Variants in MYO1D observed in about 807,000 individuals in gnomAD.
MYO1D encodes the protein unconventional myosin-Id.
MYO1D carries 83 observed loss-of-function variants against 122.0 expected under a neutral mutation model. The ratio of observed to expected loss-of-function variants is 0.68; its 90% CI spans 0.57 to 0.82. The LOEUF (loss-of-function observed/expected upper bound fraction) is 0.82, where lower values mean the gene tolerates loss of function less well. Among genes scored for constraint, MYO1D ranks in the 40% least tolerant of loss-of-function variants. The probability of loss-of-function intolerance (pLI) is 0.00; values close to 1 mark genes in which losing one functional copy is unlikely to be tolerated. For synonymous variants in MYO1D, 464 were observed against 446.9 expected, an observed-to-expected ratio of 1.04 and a Z score of -0.48; for missense variants, 1,157 against 1,269.5, an observed-to-expected ratio of 0.91 and a Z score of 1.35.
At chr17:32,849,436 C>T (rs909105338) in intron 1 of MYO1D, among the ~76,000 whole-genome samples, 8 of 149,030 alleles carry the variant, frequency 5.4e-5, no homozygotes, top group South Asian at 2.1e-4. Flanking sequence ...CAATGATAGA[C>T]TGGATTAAGA....
intron 20 of MYO1D, among the ~76,000 whole-genome samples, chr17:32,611,588 C>T (rs930164334): frequency 4.6e-5 from 7 of 152,206 alleles, no homozygotes; most frequent in African/African-American, 9.6e-5. Flanking sequence ...CCAGTAACCT[C>T]GACACTTTGG....
intron 16 of MYO1D, among the ~76,000 whole-genome samples, chr17:32,701,192 T>G (rs1190702185): frequency 6.6e-6 from 1 of 152,176 alleles, no homozygotes; most frequent in Non-Finnish European, 1.5e-5. Context: ...TGAATGATTT[T>G]CTAGGAAAAT....
At chr17:32,816,198 T>TA (rs1488967689) in intron 1 of MYO1D, among the ~76,000 whole-genome samples, 1 of 152,144 alleles carries the variant, frequency 6.6e-6, no homozygotes, top group African/African-American at 2.4e-5. Context: ...TGATCAAACT[T>TA]AGAGTCAAGT....
intron 21 of MYO1D, among the ~76,000 whole-genome samples, chr17:32,501,943 G>A (rs1909332078): frequency 1.3e-5 from 2 of 152,166 alleles, no homozygotes; most frequent in African/African-American, 4.8e-5. Flanking sequence ...GTGGGGGCTG[G>A]TCTGAGCCCT....
chr17:32,541,516 A>G (rs999500522), intron 21 of MYO1D, among the ~76,000 whole-genome samples: 2 of 152,180 alleles, frequency 1.3e-5, no homozygotes, highest in Non-Finnish European at 2.9e-5. Flanking sequence ...TAGTTGCACA[A>G]CTCTGAATAT....
chr17:32,858,291 T>A (rs1891197159), intron 1 of MYO1D, among the ~76,000 whole-genome samples: 1 of 152,206 alleles, frequency 6.6e-6, no homozygotes, highest in Non-Finnish European at 1.5e-5. Flanking sequence ...GATTAACATA[T>A]GATATATTGC....
At chr17:32,729,656 G>T (rs2150997185) in intron 14 of MYO1D, among the ~76,000 whole-genome samples, 1 of 152,310 alleles carries the variant, frequency 6.6e-6, no homozygotes, top group East Asian at 1.9e-4. Flanking sequence ...CCTCATGGTT[G>T]TTTTTGTCTT....
intron 19 of MYO1D, among the ~76,000 whole-genome samples, chr17:32,645,942 G>A (rs1401192124): frequency 6.6e-6 from 1 of 152,174 alleles, no homozygotes; most frequent in East Asian, 1.9e-4. Context: ...TCCATTGCTG[G>A]TGAGGAGCTG....
intron 14 of MYO1D, among the ~76,000 whole-genome samples, chr17:32,734,149 T>G (rs1000149154): frequency 6.6e-6 from 1 of 152,240 alleles, no homozygotes; most frequent in African/African-American, 2.4e-5. Context: ...CTTGGCAACG[T>G]TGGGAAAAGG....
At chr17:32,817,304 T>G (rs905898510) in intron 1 of MYO1D, among the ~76,000 whole-genome samples, 27 of 152,226 alleles carry the variant, frequency 1.8e-4, no homozygotes, top group African/African-American at 6.5e-4. Flanking sequence ...GACTGAAGAC[T>G]GAAGACTGAA....
At chr17:32,588,139 C>A (rs2087407660) in intron 21 of MYO1D, among the ~76,000 whole-genome samples, 1 of 152,148 alleles carries the variant, frequency 6.6e-6, no homozygotes, top group Non-Finnish European at 1.5e-5. Context: ...TTAGGATAAG[C>A]TAAAGTCCCC....
At chr17:32,667,834 A>G (rs1402816837) in intron 16 of MYO1D, among the ~76,000 whole-genome samples, 1 of 152,188 alleles carries the variant, frequency 6.6e-6, no homozygotes, top group East Asian at 1.9e-4. Context: ...AGTGCACACA[A>G]TTGCTGCCTA....
intron 21 of MYO1D, among the ~76,000 whole-genome samples, chr17:32,561,715 T>G (rs2087128159): frequency 6.7e-6 from 1 of 149,458 alleles, no homozygotes; most frequent in African/African-American, 2.5e-5. Flanking sequence ...AAAGAAAACT[T>G]GGAAAGTGAC....
At chr17:32,786,055 C>G (rs2090290425) in intron 1 of MYO1D, among the ~76,000 whole-genome samples, 1 of 152,172 alleles carries the variant, frequency 6.6e-6, no homozygotes. Context: ...GTTGCTAAGA[C>G]TGAATATATG....
At chr17:32,579,890 C>T (rs1036715999) in intron 21 of MYO1D, among the ~76,000 whole-genome samples, 8 of 152,174 alleles carry the variant, frequency 5.3e-5, no homozygotes, top group African/African-American at 1.9e-4. Flanking sequence ...TCTTCCAATG[C>T]TAATGGACAT....
At chr17:32,704,149 C>T (rs2089279656) in intron 16 of MYO1D, among the ~76,000 whole-genome samples, 1 of 152,122 alleles carries the variant, frequency 6.6e-6, no homozygotes, top group Admixed American at 6.5e-5. Context: ...TCTAGAAACA[C>T]CATCTTAGTG....
At chr17:32,514,393 A>G (rs1488746059) in intron 21 of MYO1D, among the ~76,000 whole-genome samples, 1 of 152,174 alleles carries the variant, frequency 6.6e-6, no homozygotes, top group Non-Finnish European at 1.5e-5. Context: ...GCGGATGCCC[A>G]AGATTTCTAT....
intron 16 of MYO1D, among the ~76,000 whole-genome samples, chr17:32,707,314 A>T (rs982115855): frequency 1.3e-5 from 2 of 152,158 alleles, no homozygotes; most frequent in African/African-American, 4.8e-5. Context: ...ATGTAGAAAT[A>T]AGGTATTATT....
At chr17:32,764,430 C>T (rs1224210365) in intron 8 of MYO1D, among the ~76,000 whole-genome samples, 1 of 152,064 alleles carries the variant, frequency 6.6e-6, no homozygotes, top group Non-Finnish European at 1.5e-5. Flanking sequence ...AATGTTCTCA[C>T]CACAAATAAA....
Sources: allele counts gnomAD v4.1 joint callset (sites outside exome capture counted in the v4.1 genomes callset), GRCh38; gene constraint gnomAD v4.1.1; transcripts MANE v1.5; gene names NCBI Gene and HGNC (gene_info 2026-07-23, HGNC 2026-07-21).